Variants in GPC6 observed in about 807,000 individuals in gnomAD.
GPC6 encodes the protein glypican-6.
In GPC6, 14 loss-of-function variants were observed where a neutral mutation model predicts 55.2. The observed-to-expected ratio is 0.25, with a 90% CI of 0.17 to 0.40. GPC6 has a LOEUF of 0.40. GPC6 is among the 10% of genes least tolerant of loss of function. The pLI is 1.00. For missense variants in GPC6, 641 were observed against 708.5 expected, an observed-to-expected ratio of 0.90 and a Z score of 1.08; for synonymous variants, 278 against 259.6, an observed-to-expected ratio of 1.07 and a Z score of -0.68.
chr13:94,274,321 T>G (rs1892136154), intron 4 of GPC6, among the ~76,000 whole-genome samples: 1 of 152,240 alleles, frequency 6.6e-6, no homozygotes. Context: ...TGGATTTGGT[T>G]TCAAAGTAAA....
chr13:93,753,163 G>C (rs538677296), intron 2 of GPC6, among the ~76,000 whole-genome samples: 1 of 152,158 alleles, frequency 6.6e-6, no homozygotes, highest in Non-Finnish European at 1.5e-5. Context: ...CACAGTAAGA[G>C]ACCCTGTTAC....
At chr13:93,308,239 T>C (rs1878944832) in intron 1 of GPC6, among the ~76,000 whole-genome samples, 4 of 152,086 alleles carry the variant, frequency 2.6e-5, no homozygotes, top group Admixed American at 1.3e-4. Context: ...GAGCCGAGAT[T>C]GCGCTACTGC....
intron 4 of GPC6, among the ~76,000 whole-genome samples, chr13:94,201,519 G>C (rs1889748017): frequency 6.6e-6 from 1 of 152,018 alleles, no homozygotes; most frequent in African/African-American, 2.4e-5. Flanking sequence ...TTTATGTATT[G>C]CCTCTTCTTT....
intron 6 of GPC6, among the ~76,000 whole-genome samples, chr13:94,318,304 G>T (rs1231094089): frequency 2.6e-5 from 4 of 152,078 alleles, no homozygotes; most frequent in African/African-American, 9.7e-5. Context: ...TGGAGGCTAT[G>T]TTCCAAGACC....
At chr13:93,457,134 A>G (rs1878483750) in intron 1 of GPC6, among the ~76,000 whole-genome samples, 1 of 152,138 alleles carries the variant, frequency 6.6e-6, no homozygotes, top group Non-Finnish European at 1.5e-5. Context: ...GAGTCAATTA[A>G]ACTTCTTTTC....
intron 2 of GPC6, among the ~76,000 whole-genome samples, chr13:93,589,227 G>A (rs1042438658): frequency 3.3e-5 from 5 of 151,708 alleles, no homozygotes; most frequent in African/African-American, 4.9e-5. Context: ...AGAAGGAGTT[G>A]CAGACATGAT....
intron 2 of GPC6, among the ~76,000 whole-genome samples, chr13:93,628,838 T>G (rs1002451264): frequency 3.9e-5 from 6 of 152,116 alleles, no homozygotes; most frequent in African/African-American, 1.4e-4. Context: ...CCAAAGCAGT[T>G]TTTACTAAAA....
chr13:94,337,599 C>A (rs559294745), intron 6 of GPC6, among the ~76,000 whole-genome samples: 1 of 87,654 alleles, frequency 1.1e-5, no homozygotes, highest in Admixed American at 1.4e-4. Context: ...AGGTGTGCAC[C>A]ACCACATCTG....
intron 4 of GPC6, among the ~76,000 whole-genome samples, chr13:94,130,029 G>C (rs1412303151): frequency 6.6e-6 from 1 of 152,020 alleles, no homozygotes; most frequent in African/African-American, 2.4e-5. Flanking sequence ...TGAAAGTTCT[G>C]TTTCGTGATG....
At chr13:93,537,656 A>G (rs954037150) in intron 1 of GPC6, among the ~76,000 whole-genome samples, 3 of 152,118 alleles carry the variant, frequency 2.0e-5, no homozygotes, top group Non-Finnish European at 4.4e-5. Flanking sequence ...ATTTCATATT[A>G]TAGTTTATAA....
chr13:93,454,231 G>A (rs1295898720), intron 1 of GPC6, among the ~76,000 whole-genome samples: 1 of 149,634 alleles, frequency 6.7e-6, no homozygotes, highest in Non-Finnish European at 1.5e-5. Context: ...CGATCCCTGA[G>A]CTAGACATAA....
At chr13:93,254,746 A>G (rs948970934) in intron 1 of GPC6, among the ~76,000 whole-genome samples, 2 of 152,166 alleles carry the variant, frequency 1.3e-5, no homozygotes, top group African/African-American at 2.4e-5. Flanking sequence ...CCAGATGACA[A>G]CAAGCAGAAA....
Position 94,270,964 on chromosome 13 carries a change from A to ATTTTT in GPC6, c.878-15348_878-15344dup, listed in dbSNP as rs764819082. ...AAAGGACCAGAGACAGAGAAGTATAATTTTTTTTTTTTTTTTTTTTTTTTT... is the reference window on the plus strand; with the variant it reads ...AAAGGACCAGAGACAGAGAAGTATAATTTTTTTTTTTTTTTTTTTTTTTTTTTTTT... On this transcript the variant is annotated intron_variant, in intron 4 of 8. Transcript: ENST00000377047. Among the ~76,000 whole-genome samples, 29 of 49,672 alleles carry ATTTTT rather than the reference A, an allele frequency of 5.8e-4. 3 individuals are homozygous for ATTTTT. Among genetic ancestry groups the ATTTTT allele is most frequent in the Middle Eastern group, 0.016 (1 of 62 alleles). 32.6% of individuals were successfully genotyped at this position (49,672 alleles called of 152,430 possible). A position where few individuals can be genotyped will look rare whatever the true frequency, so the allele number is the denominator to read the frequency against.
At chr13:94,208,679 T>C (rs1159864522) in intron 4 of GPC6, among the ~76,000 whole-genome samples, 2 of 135,278 alleles carry the variant, frequency 1.5e-5, no homozygotes, top group Non-Finnish European at 3.0e-5. Context: ...CCCAACATGA[T>C]GGTGGGAGGC....
At chr13:94,077,372 A>G (rs533917655) in intron 4 of GPC6, among the ~76,000 whole-genome samples, 1 of 151,836 alleles carries the variant, frequency 6.6e-6, no homozygotes, top group Non-Finnish European at 1.5e-5. Flanking sequence ...ACAGTTTTTT[A>G]GTGGAGACTT....
intron 2 of GPC6, among the ~76,000 whole-genome samples, chr13:93,814,544 C>T (rs993811903): frequency 6.6e-6 from 1 of 152,142 alleles, no homozygotes; most frequent in African/African-American, 2.4e-5. Context: ...TTATTCCCAA[C>T]TTTTCCTGTT....
Position 93,901,093 on chromosome 13 carries a change from A to G in GPC6, c.711+70548A>G, listed in dbSNP as rs537778157. ...AGGTCTGTGCAGACTTTTTATATTCATATTTGCAGTTTTAAAAACGATGAT... is the reference window on the plus strand; with the variant it reads ...AGGTCTGTGCAGACTTTTTATATTCGTATTTGCAGTTTTAAAAACGATGAT... On this transcript the variant is annotated intron_variant, in intron 3 of 8. Transcript: ENST00000377047. 2.0e-5 allele frequency among the ~76,000 whole-genome samples: 3 copies of G among 152,280 alleles called. No homozygotes were observed. In the South Asian group the frequency reaches 6.2e-4, roughly 32 times the overall value.
chr13:93,778,746 A>G (rs1355737541), intron 2 of GPC6, among the ~76,000 whole-genome samples: 3 of 152,156 alleles, frequency 2.0e-5, no homozygotes, highest in Non-Finnish European at 2.9e-5. Flanking sequence ...GATAAATCCC[A>G]TTCCAAGCAA....
intron 2 of GPC6, among the ~76,000 whole-genome samples, chr13:93,598,977 A>G (rs1003014888): frequency 6.6e-6 from 1 of 152,204 alleles, no homozygotes; most frequent in African/African-American, 2.4e-5. Context: ...TGTCTGAGAC[A>G]CCTCAATTTG....
Sources: gnomAD v4.1 joint callset for allele counts (sites outside exome capture counted in the v4.1 genomes callset) on GRCh38, gnomAD v4.1.1 for gene constraint, MANE v1.5 for transcripts, NCBI Gene and HGNC (gene_info 2026-07-23, HGNC 2026-07-21) for gene names.